Variants in ACSL5 observed in about 807,000 individuals in gnomAD.
The protein encoded by ACSL5 is acyl-CoA synthetase long chain family member 5.
Under a neutral mutation model 84.9 loss-of-function variants are expected in ACSL5, and 50 were observed. The observed-to-expected ratio is 0.59, with a 90% CI of 0.47 to 0.75. ACSL5 has a LOEUF of 0.75. Among genes scored for constraint, ACSL5 ranks in the 30% least tolerant of loss-of-function variants. The pLI, the probability that ACSL5 is intolerant of heterozygous loss-of-function variation, is 0.00. For synonymous variants in ACSL5, 280 were observed against 300.7 expected, an observed-to-expected ratio of 0.93 and a Z score of 0.71; for missense variants, 775 against 830.4, an observed-to-expected ratio of 0.93 and a Z score of 0.82.
At chr10:112,383,098 A>G (rs917324813) in intron 1 of ACSL5, among the ~76,000 whole-genome samples, 1 of 152,176 alleles carries the variant, frequency 6.6e-6, no homozygotes. Context: ...GGGAGACCCC[A>G]TCTCTACAAA....
intron 15 of ACSL5, 140 bp from the exon 16 acceptor site, chr10:112,421,807 C>G (rs977966156): frequency 2.4e-6 from 3 of 1,269,946 alleles, no homozygotes; most frequent in Non-Finnish European, 3.4e-6. Context: ...CCAGGCCTGC[C>G]TATCTTGGCT....
At position 112,416,992 on chromosome 10, in the gene ACSL5, C is replaced by T. The variant is rs60825471; in HGVS notation, c.1188C>T (p.Phe396=). Residue 396 remains phenylalanine, a synonymous_variant, in exon 13 of 21, where the codon TTC becomes TTT. Coordinates refer to ENST00000354655, the MANE Select transcript of ACSL5 (RefSeq NM_203379.2). The part of the protein sequence containing the change: ...LQKGIIRHDS[F]WDKLIFAKIQ... ...AGGGTATCATCAGGCATGATAGTTT[C>T]TGGGACAAGCTCATCTTTGCAAAGA... The T allele has an allele frequency of 1.2e-5, 19 of 1,614,000 alleles. No individual in the cohort carries two copies. Among genetic ancestry groups the T allele is most frequent in the Middle Eastern group, 3.3e-4 (2 of 6,062 alleles).
chr10:112,391,850 T>A (rs1436738060), intron 1 of ACSL5, among the ~76,000 whole-genome samples: 1 of 152,178 alleles, frequency 6.6e-6, no homozygotes, highest in African/African-American at 2.4e-5. Context: ...ATGGTAACAA[T>A]CACCTGAGAT....
chr10:112,399,960 GTTCTA>G (rs1843839716), intron 3 of ACSL5, among the ~76,000 whole-genome samples: 1 of 152,162 alleles, frequency 6.6e-6, no homozygotes, highest in South Asian at 2.1e-4. Flanking sequence ...TGACTTGGTT[GTTCTA>G]TTTTAGGTTA....
At chr10:112,398,857 G>T in intron 2 of ACSL5, 44 bp from the exon 3 acceptor site, 1 of 1,521,298 alleles carries the variant, frequency 6.6e-7, no homozygotes, top group Non-Finnish European at 9.1e-7. Flanking sequence ...TGGAAAGAGT[G>T]AGGGGAGACT....
At chr10:112,394,756 A>T in intron 1 of ACSL5, 162 bp from the exon 2 acceptor site, 1 of 985,016 alleles carries the variant, frequency 1.0e-6, no homozygotes, top group Non-Finnish European at 1.2e-6. Flanking sequence ...CACTGGGGGA[A>T]ATTCTGCCAC....
chr10:112,408,109 G>A (rs756363329), intron 5 of ACSL5, among the ~76,000 whole-genome samples: 18 of 151,794 alleles, frequency 1.2e-4, no homozygotes, highest in Non-Finnish European at 2.1e-4. Context: ...TGCCAGAATG[G>A]GAAACATGGT....
intron 1 of ACSL5, among the ~76,000 whole-genome samples, chr10:112,382,482 C>G (rs1849369292): frequency 6.6e-6 from 1 of 152,186 alleles, no homozygotes; most frequent in Admixed American, 6.5e-5. Context: ...TGCATGAGTG[C>G]TCACAGCACT....
chr10:112,391,368 CAA>C (rs35383388), intron 1 of ACSL5, among the ~76,000 whole-genome samples: 1 of 146,472 alleles, frequency 6.8e-6, no homozygotes, highest in Non-Finnish European at 1.5e-5. Context: ...GACTGTGCCT[CAA>C]AAAAAAAAAA....
chr10:112,410,266 T>C, intron 7 of ACSL5, 197 bp from the exon 8 acceptor site: 1 of 1,538,508 alleles, frequency 6.5e-7, no homozygotes, highest in South Asian at 1.2e-5. Context: ...AGGTAGATGA[T>C]TTTCTAGAGA....
At chr10:112,389,472 T>C (rs1243823128) in intron 1 of ACSL5, among the ~76,000 whole-genome samples, 1 of 152,200 alleles carries the variant, frequency 6.6e-6, no homozygotes, top group Non-Finnish European at 1.5e-5. Flanking sequence ...GTACTGGGGC[T>C]TGTTCAGCTA....
intron 12 of ACSL5, among the ~76,000 whole-genome samples, chr10:112,413,705 A>G (rs1188010314): frequency 3.9e-5 from 6 of 152,188 alleles, no homozygotes; most frequent in East Asian, 1.9e-4. Context: ...AGCCTGGGCA[A>G]CAGAGCAAGA....
At chr10:112,404,852 T>A (rs757186063) in intron 5 of ACSL5, 46 bp downstream of exon 5, 10 of 1,516,488 alleles carry the variant, frequency 6.6e-6, no homozygotes, top group Non-Finnish European at 9.1e-6. Context: ...AGGGTTAAGT[T>A]TAAAAACTTC....
chr10:112,405,672 G>C (rs969477498), intron 5 of ACSL5, among the ~76,000 whole-genome samples: 3 of 152,000 alleles, frequency 2.0e-5, no homozygotes, highest in African/African-American at 7.3e-5. Context: ...CAACATGGGG[G>C]TTAGGACCAC....
intron 10 of ACSL5, 115 bp from the exon 11 acceptor site, chr10:112,411,787 C>T (rs1018876669): frequency 1.2e-5 from 12 of 997,360 alleles, no homozygotes; most frequent in Admixed American, 5.5e-5. Context: ...CACAGTGTAC[C>T]GCCTATACAG....
intron 5 of ACSL5, among the ~76,000 whole-genome samples, chr10:112,408,157 G>A (rs1844089225): frequency 6.6e-6 from 1 of 151,966 alleles, no homozygotes; most frequent in Non-Finnish European, 1.5e-5. Flanking sequence ...AAATTAGCTT[G>A]ACATAGTGAT....
chr10:112,401,947 T>TCTC (rs1564736675), intron 3 of ACSL5, among the ~76,000 whole-genome samples: 1 of 140,372 alleles, frequency 7.1e-6, no homozygotes, highest in African/African-American at 2.7e-5. Context: ...TTCTCTTTCT[T>TCTC]TCTCTCTCTC....
chr10:112,394,693 C>T (rs1843707488), intron 1 of ACSL5: 1 of 969,168 alleles, frequency 1.0e-6, no homozygotes, highest in African/African-American at 1.8e-5. Flanking sequence ...TGAGGACAGT[C>T]AAGTAGCAGA....
Position 112,399,009 on chromosome 10 carries a change from G to T in ACSL5, c.265G>T (p.Asp89Tyr). ...TTTCCAAAGAGGACTCGCTGTGTCT[G>T]GTAAGCCTGGTGGTCTGTCCTTGCC... is the stretch of plus-strand genomic sequence containing the variant. ...EVFQRGLAVSDNGPCLGYRKP... is the reference protein window; with the variant it reads ...EVFQRGLAVSYNGPCLGYRKP... The change falls in exon 3 of 21, where the codon GAC (aspartate) becomes TAC (tyrosine). Residue 89 changes from aspartate (D) to tyrosine (Y), a missense_variant and splice_region_variant. Transcript: ENST00000354655. 1 of 1,612,238 alleles carries T rather than the reference G, an allele frequency of 6.2e-7. No homozygotes were observed. The highest frequency in any genetic ancestry group is 2.2e-5 in the East Asian group (1 of 44,862).
Sources: gnomAD v4.1 joint callset for allele counts (sites outside exome capture counted in the v4.1 genomes callset) on GRCh38, gnomAD v4.1.1 for gene constraint, MANE v1.5 for transcripts, NCBI Gene and HGNC (gene_info 2026-07-23, HGNC 2026-07-21) for gene names.